NRXN3: variants seen among roughly 807,000 people sequenced by gnomAD.
NRXN3 encodes the protein neurexin 3, also known as neurexin III.
In NRXN3, 32 loss-of-function variants were observed where a neutral mutation model predicts 137.6. That is an observed-to-expected ratio of 0.23 (90% confidence interval 0.18 to 0.31). The LOEUF (loss-of-function observed/expected upper bound fraction) is 0.31. NRXN3 is among the 10% of genes least tolerant of loss of function. NRXN3 has a pLI of 1.00. For synonymous variants in NRXN3, 798 were observed against 784.5 expected, an observed-to-expected ratio of 1.02 and a Z score of -0.29; for missense variants, 1,574 against 2,062.5, an observed-to-expected ratio of 0.76 and a Z score of 4.59.
intron 19 of NRXN3, among the ~76,000 whole-genome samples, chr14:79,714,891 G>A (rs1000332850): frequency 6.6e-6 from 1 of 152,158 alleles, no homozygotes; most frequent in Non-Finnish European, 1.5e-5. Context: ...TATGAAAGGC[G>A]ATTGTGTTAG....
rs377481257 is a variant in NRXN3 at position 79,632,121 on chromosome 14, G to A, written c.3445-31657G>A. 7.6e-4 allele frequency among the ~76,000 whole-genome samples: 115 copies of A among 152,200 alleles called. 1 individual carries two copies. The highest frequency in any genetic ancestry group is 6.8e-3 in the Middle Eastern group (2 of 294). ...GCTACTCACTCTTAGGGTCTGTGCC[G>A]CCTTTATGAGCTGTAACACTCACCG... On this transcript the variant is annotated intron_variant, in intron 16 of 20. Transcript: ENST00000335750.
intron 8 of NRXN3, among the ~76,000 whole-genome samples, chr14:78,743,943 G>A (rs2098594714): frequency 6.6e-6 from 1 of 152,130 alleles, no homozygotes. Context: ...AGTCAACCTA[G>A]CATTCAAAGA....
intron 1 of NRXN3, among the ~76,000 whole-genome samples, chr14:78,234,299 G>A (rs1432816093): frequency 6.6e-6 from 1 of 152,202 alleles, no homozygotes; most frequent in Non-Finnish European, 1.5e-5. Flanking sequence ...GAAATAATAA[G>A]CATCAAGGAC....
At chr14:78,932,415 T>C (rs2099324783) in intron 10 of NRXN3, among the ~76,000 whole-genome samples, 1 of 152,180 alleles carries the variant, frequency 6.6e-6, no homozygotes, top group African/African-American at 2.4e-5. Flanking sequence ...TGACAGGTGG[T>C]CCAATTTTTG....
intron 4 of NRXN3, among the ~76,000 whole-genome samples, chr14:78,531,085 C>T (rs950454167): frequency 4.6e-5 from 7 of 152,102 alleles, no homozygotes; most frequent in African/African-American, 1.2e-4. Context: ...TTTTCATAGT[C>T]TGTCTCTTTC....
At chr14:79,771,474 C>T (rs8006470) in intron 19 of NRXN3, among the ~76,000 whole-genome samples, 33,277 of 147,828 alleles carry the variant, frequency 0.23, 1,164 homozygotes, top group Admixed American at 0.3. Context: ...GTTCAATATA[C>T]GCAAATCAAT....
intron 4 of NRXN3, among the ~76,000 whole-genome samples, chr14:78,558,384 T>C (rs762766476): frequency 2.0e-5 from 3 of 152,196 alleles, no homozygotes; most frequent in Admixed American, 2.0e-4. Context: ...TGAAAACCCA[T>C]GTATTAAAGT....
intron 15 of NRXN3, among the ~76,000 whole-genome samples, chr14:79,019,982 T>C (rs2099585967): frequency 6.6e-6 from 1 of 151,840 alleles, no homozygotes; most frequent in Admixed American, 6.6e-5. Flanking sequence ...AGAGAGATAA[T>C]AACTGACAGC....
At chr14:79,568,298 A>G (rs1444679598) in intron 16 of NRXN3, among the ~76,000 whole-genome samples, 1 of 152,192 alleles carries the variant, frequency 6.6e-6, no homozygotes, top group Non-Finnish European at 1.5e-5. Context: ...AAAGTTACTT[A>G]GAGGAAATCA....
Position 79,862,417 on chromosome 14 carries a change from A to AAAAAC in NRXN3, c.*459_*463dup, listed in dbSNP as rs1226869785. 1 of 152,968 alleles carries AAAAAC rather than the reference A, an allele frequency of 6.5e-6. No homozygotes were observed. Among genetic ancestry groups the AAAAAC allele is most frequent in the Non-Finnish European group, 1.5e-5 (1 of 68,372 alleles). The allele number at this position is 152,968 out of a possible 1,614,324, so 9.5% of individuals were successfully genotyped here. A position where few individuals can be genotyped will look rare whatever the true frequency, so the allele number is the denominator to read the frequency against. ...CATGTTTTTTCTGTTTAATTATGTA[A>AAAAAC]AAAACAAAACTACAACAACAAAAAA... On this transcript the variant is annotated 3_prime_UTR_variant, in exon 21 of 21. Coordinates refer to ENST00000335750, the MANE Select transcript of NRXN3 (RefSeq NM_001330195.2).
intron 4 of NRXN3, among the ~76,000 whole-genome samples, chr14:78,452,474 A>G (rs2094573994): frequency 6.6e-6 from 1 of 152,208 alleles, no homozygotes; most frequent in Non-Finnish European, 1.5e-5. Context: ...TGACAGATCC[A>G]GGTCAAGATT....
At chr14:78,574,580 A>G (rs899867154) in intron 4 of NRXN3, among the ~76,000 whole-genome samples, 2 of 152,192 alleles carry the variant, frequency 1.3e-5, no homozygotes, top group African/African-American at 4.8e-5. Flanking sequence ...TTGGACTTGC[A>G]TGGGACCTGT....
At chr14:79,479,418 G>T (rs947707367) in intron 16 of NRXN3, among the ~76,000 whole-genome samples, 1 of 151,886 alleles carries the variant, frequency 6.6e-6, no homozygotes, top group Non-Finnish European at 1.5e-5. Context: ...ATTTGTTAAA[G>T]GTGTTAAGGA....
chr14:79,062,267 C>G (rs934375088), intron 15 of NRXN3, among the ~76,000 whole-genome samples: 2 of 152,056 alleles, frequency 1.3e-5, no homozygotes, highest in Admixed American at 6.6e-5. Context: ...CAATTTCCCT[C>G]TCATGCTTGT....
At chr14:79,370,693 A>T (rs1240293097) in intron 15 of NRXN3, among the ~76,000 whole-genome samples, 1 of 152,084 alleles carries the variant, frequency 6.6e-6, no homozygotes, top group African/African-American at 2.4e-5. Flanking sequence ...TACCGCCTCA[A>T]CTGACTGAGC....
At chr14:78,737,900 A>T (rs538657630) in intron 8 of NRXN3, among the ~76,000 whole-genome samples, 17 of 152,244 alleles carry the variant, frequency 1.1e-4, no homozygotes, top group African/African-American at 4.1e-4. Context: ...TGCTATCTCC[A>T]GCAGTCCCTG....
At chr14:78,433,863 C>T (rs933578262) in intron 4 of NRXN3, among the ~76,000 whole-genome samples, 29 of 152,218 alleles carry the variant, frequency 1.9e-4, no homozygotes, top group South Asian at 4.2e-4. Flanking sequence ...TTTGTTGCCT[C>T]CCAGTTCTGA....
At position 78,603,511 on chromosome 14, in the gene NRXN3, GT is replaced by G. The variant is rs773136021; in HGVS notation, c.758-41608del. 2.6e-5 allele frequency among the ~76,000 whole-genome samples: 4 copies of G among 152,304 alleles called. No individual in the cohort carries two copies. The South Asian group carries it at 8.3e-4, about 32-fold the overall frequency. On this transcript the variant is annotated intron_variant, in intron 4 of 20. Transcript: ENST00000335750. ...AGAAAGAGAGAGGACTTATCGGTGG[GT>G]GGTAGGAAAGGACAGAAGATGGATT...
intron 20 of NRXN3, among the ~76,000 whole-genome samples, chr14:79,843,399 C>T (rs2099360301): frequency 2.0e-5 from 3 of 152,124 alleles, no homozygotes; most frequent in Admixed American, 6.6e-5. Flanking sequence ...TAGAGGGTCC[C>T]GTCTTGATGT....
Sources: allele counts gnomAD v4.1 joint callset (sites outside exome capture counted in the v4.1 genomes callset), GRCh38; gene constraint gnomAD v4.1.1; transcripts MANE v1.5; gene names NCBI Gene and HGNC (gene_info 2026-07-23, HGNC 2026-07-21).